The following UTP18 variants were observed in gnomAD, a reference collection of about 807,000 sequenced individuals.
UTP18 encodes U3 small nucleolar RNA-associated protein 18 homolog.
In UTP18, 36 loss-of-function variants were observed where a neutral mutation model predicts 61.1. The observed-to-expected ratio is 0.59, with a 90% CI of 0.45 to 0.78. The LOEUF (loss-of-function observed/expected upper bound fraction) is 0.78, where lower values mean the gene tolerates loss of function less well. UTP18 is among the 30% of genes least tolerant of loss of function. The pLI, the probability that UTP18 is intolerant of heterozygous loss-of-function variation, is 0.00. For synonymous variants in UTP18, 282 were observed against 251.1 expected (o/e 1.12, Z -1.16); for missense variants, 753 against 693.9 (o/e 1.09, Z -0.96).
intron 2 of UTP18, 84 bp downstream of exon 2, chr17:51,263,470 A>G (rs1029376169): frequency 9.3e-5 from 95 of 1,018,392 alleles, no homozygotes; most frequent in Non-Finnish European, 1.3e-4. Context: ...CTTTTTACCA[A>G]TTTGTGATTA....
intron 5 of UTP18, among the ~76,000 whole-genome samples, chr17:51,274,564 C>T (rs537948225): frequency 1.4e-4 from 21 of 152,176 alleles, no homozygotes; most frequent in African/African-American, 3.1e-4. Flanking sequence ...GCCTCAGCCA[C>T]GCAAGTAGCT....
rs200213431 is a variant in UTP18 at position 51,260,580 on chromosome 17, T to C, written c.-5T>C. ...GAGCGCCTGCGTTTCTCCTCAAACC[T>C]AACGATGCCGCCGGAGCGGAGGAGA... On this transcript the variant is annotated 5_prime_UTR_variant, in exon 1 of 14. Coordinates refer to ENST00000225298, the MANE Select transcript of UTP18 (RefSeq NM_016001.3). 92 of 1,611,304 alleles carry C rather than the reference T, an allele frequency of 5.7e-5. No individual in the cohort carries two copies. The African/African-American group carries it at 1.1e-3, about 19-fold the overall frequency.
intron 1 of UTP18, among the ~76,000 whole-genome samples, chr17:51,262,868 TAAG>T (rs1391301383): frequency 1.3e-5 from 2 of 152,186 alleles, no homozygotes; most frequent in Admixed American, 1.3e-4. Context: ...TAAAGTTTCT[TAAG>T]GAGGTAGGGG....
At chr17:51,275,687 A>G (rs1354383844) in intron 5 of UTP18, among the ~76,000 whole-genome samples, 179 bp from the exon 6 acceptor site, 2 of 150,918 alleles carry the variant, frequency 1.3e-5, no homozygotes, top group African/African-American at 4.9e-5. Context: ...GTGACTTGCT[A>G]GTTGGTGCCA....
At chr17:51,285,461 C>G in intron 10 of UTP18, 93 bp downstream of exon 10, 2 of 1,446,122 alleles carry the variant, frequency 1.4e-6, no homozygotes, top group Admixed American at 2.0e-5. Context: ...ATGAGTAGTT[C>G]TCTTTATAAA....
At chr17:51,293,869 G>A (rs12940196) in intron 11 of UTP18, 34 bp from the exon 12 acceptor site, 1 of 1,474,804 alleles carries the variant, frequency 6.8e-7, no homozygotes, top group Non-Finnish European at 9.0e-7. Flanking sequence ...GCTCCCAGTT[G>A]TTACACTTTA....
At chr17:51,276,370 C>A (rs1298380802) in intron 6 of UTP18, among the ~76,000 whole-genome samples, 1 of 152,120 alleles carries the variant, frequency 6.6e-6, no homozygotes, top group African/African-American at 2.4e-5. Context: ...TAAAATTTTT[C>A]TTCCACTGAA....
At chr17:51,265,493 C>A (rs888611693) in intron 2 of UTP18, among the ~76,000 whole-genome samples, 9 of 150,428 alleles carry the variant, frequency 6.0e-5, no homozygotes, top group Non-Finnish European at 1.2e-4. Context: ...GAGCTCCCGA[C>A]CTTCAGTGAT....
chr17:51,286,406 T>C, intron 10 of UTP18: 1 of 447,718 alleles, frequency 2.2e-6, no homozygotes, highest in Non-Finnish European at 4.5e-6. Flanking sequence ...AAATCCTCCC[T>C]GGGATGGGAA....
At chr17:51,286,735 C>T (rs1479017090) in intron 10 of UTP18, among the ~76,000 whole-genome samples, 9 of 152,178 alleles carry the variant, frequency 5.9e-5, no homozygotes, top group Admixed American at 3.3e-4. Context: ...GGGTAGTGTG[C>T]GCTATGGCAG....
intron 2 of UTP18, among the ~76,000 whole-genome samples, chr17:51,264,826 G>T (rs1598473536): frequency 6.6e-6 from 1 of 151,844 alleles, no homozygotes. Context: ...GGGACTACAG[G>T]CACATGTCAC....
Position 51,297,830 on chromosome 17 carries a change from A to T in UTP18, c.*63A>T. ...CCTGTCTTGATATATCATCTCAGAA[A>T]CTTTCCTGAATATGTGATAATATAT... On this transcript the variant is annotated 3_prime_UTR_variant, in exon 14 of 14. Coordinates refer to ENST00000225298, the MANE Select transcript of UTP18 (RefSeq NM_016001.3). The T allele has an allele frequency of 2.6e-6, 1 of 381,362 alleles. No individual in the cohort carries two copies. Among genetic ancestry groups the T allele is most frequent in the Non-Finnish European group, 4.9e-6 (1 of 202,550 alleles). The allele number at this position is 381,362 out of a possible 1,614,324, so 23.6% of individuals were successfully genotyped here.
At chr17:51,264,078 C>T (rs1228094590) in intron 2 of UTP18, among the ~76,000 whole-genome samples, 2 of 149,974 alleles carry the variant, frequency 1.3e-5, no homozygotes, top group African/African-American at 4.9e-5. Flanking sequence ...GCTGTTTCAC[C>T]TAGGCTGGAG....
intron 9 of UTP18, among the ~76,000 whole-genome samples, chr17:51,282,673 T>C (rs142885935): frequency 1.2e-3 from 180 of 152,162 alleles, no homozygotes; most frequent in African/African-American, 4.0e-3. Flanking sequence ...AAATTTGATA[T>C]ATGAATTGGA....
chr17:51,268,836 G>C lies in UTP18; in HGVS notation c.555-1G>C. 1.9e-6 allele frequency: 3 copies of C among 1,613,722 alleles called. No homozygotes were observed. The highest frequency in any genetic ancestry group is 2.5e-6 in the Non-Finnish European group (3 of 1,179,728). On this transcript the variant is annotated splice_acceptor_variant, in intron 3 of 13. Transcript: ENST00000225298. LOFTEE classifies it high-confidence loss of function. ...TATATTTTTCAAATATTTTTGCTTAGATTCCAACATGCCATGGGAGGAGTA... is the reference window on the plus strand; with the variant it reads ...TATATTTTTCAAATATTTTTGCTTACATTCCAACATGCCATGGGAGGAGTA...
At chr17:51,277,462 C>T (rs545794991) in intron 7 of UTP18, among the ~76,000 whole-genome samples, 158 bp downstream of exon 7, 96 of 152,252 alleles carry the variant, frequency 6.3e-4, no homozygotes, top group Middle Eastern at 3.4e-3. Context: ...TGAGATAACA[C>T]GTTTGAATGA....
At chr17:51,278,906 G>A (rs1016204169) in intron 7 of UTP18, among the ~76,000 whole-genome samples, 1 of 152,122 alleles carries the variant, frequency 6.6e-6, no homozygotes, top group African/African-American at 2.4e-5. Flanking sequence ...AAATAATATT[G>A]GGGAGCATGA....
rs771917115 is a variant in UTP18 at position 51,288,081 on chromosome 17, A to G, written c.1381A>G (p.Thr461Ala). The part of the protein sequence containing the change: ...IYNQDSCLQE[T>A]NPKPIKAIMN... ...CAATCAAGATTCTTGTCTCCAAGAA[A>G]CAAACCCAAAGCCAATAAAAGCTAT... is the stretch of plus-strand genomic sequence containing the variant. Residue 461 changes from threonine to alanine, a missense_variant, in exon 11 of 14, where the codon ACA becomes GCA. By Grantham distance (58) the Thr-to-Ala change is moderately conservative. Transcript: ENST00000225298. The G allele has an allele frequency of 6.2e-7, 1 of 1,608,604 alleles. No homozygotes were observed. The highest frequency in any genetic ancestry group is 1.1e-5 in the South Asian group (1 of 89,344).
At chr17:51,277,343 C>G in intron 7 of UTP18, 39 bp downstream of exon 7, 4 of 1,604,298 alleles carry the variant, frequency 2.5e-6, no homozygotes, top group Non-Finnish European at 3.4e-6. Flanking sequence ...AGTCATTCCC[C>G]CCAAGGTGAG....
Sources: gnomAD v4.1 joint callset for allele counts (sites outside exome capture counted in the v4.1 genomes callset) on GRCh38, gnomAD v4.1.1 for gene constraint, MANE v1.5 for transcripts, NCBI Gene and HGNC (gene_info 2026-07-23, HGNC 2026-07-21) for gene names.